SOX13: variants seen among roughly 807,000 people sequenced by gnomAD.
The protein encoded by SOX13 is SRY-box transcription factor 13.
In SOX13, 28 loss-of-function variants were observed where a neutral mutation model predicts 71.8. That is an observed-to-expected ratio of 0.39 (90% CI 0.29 to 0.53). The LOEUF is 0.53. Among genes scored for constraint, SOX13 ranks in the 20% least tolerant of loss-of-function variants. The pLI is 0.70. For synonymous variants in SOX13, 309 were observed against 317.8 expected (o/e 0.97, Z 0.29); for missense variants, 627 against 810.3 (o/e 0.77, Z 2.75).
intron 5 of SOX13, 93 bp from the exon 6 acceptor site, chr1:204,117,029 C>T (rs1341449473): frequency 7.9e-7 from 1 of 1,271,384 alleles, no homozygotes; most frequent in Non-Finnish European, 1.1e-6. Flanking sequence ...TGGCTTGCCC[C>T]ACTGTAGAAA....
intron 1 of SOX13, among the ~76,000 whole-genome samples, chr1:204,082,257 T>C (rs563992086): frequency 3.9e-5 from 6 of 151,988 alleles, no homozygotes; most frequent in African/African-American, 1.2e-4. Context: ...TGTGTGTGTG[T>C]GCACATATGT....
rs1656863244 is a variant in SOX13, at chr1:204,123,858, G to C, written c.1375+54G>C. ...CAGTGTGACCTGGTTGCAGGAGCCA[G>C]CTGGGTCTATTCAGGGCTTGCTTGG... On this transcript the variant is annotated intron_variant, in intron 12 of 13. Coordinates refer to ENST00000367204, the MANE Select transcript of SOX13 (RefSeq NM_005686.3). This position sits in a 1 kb window ranked among gnomAD's most constrained non-coding sequence, Gnocchi z 5.0. 1 of 1,598,556 alleles carries C rather than the reference G, an allele frequency of 6.3e-7. No individual in the cohort carries two copies. Among genetic ancestry groups the C allele is most frequent in the Admixed American group, 1.7e-5 (1 of 59,740 alleles).
chr1:204,119,364 T>C (rs1656756851), intron 7 of SOX13: 1 of 152,170 alleles, frequency 6.6e-6, no homozygotes, highest in South Asian at 2.1e-4. Context: ...ATATTTGGTG[T>C]CTGGTGAGGG....
chr1:204,115,475 GT>G (rs1230069563), intron 4 of SOX13, among the ~76,000 whole-genome samples: 13,261 of 58,886 alleles, frequency 0.23, 1,608 homozygotes, highest in Admixed American at 0.29. Context: ...TTCCGATGTT[GT>G]TTTTTTTTTT....
Position 204,073,451 on chromosome 1 carries a change from G to T in SOX13, c.-262G>T, listed in dbSNP as rs1438271273. 1 of 152,022 alleles carries T rather than the reference G, an allele frequency of 6.6e-6. No individual in the cohort carries two copies. The highest frequency in any genetic ancestry group is 6.5e-5 in the Admixed American group (1 of 15,272). The allele number at this position is 152,022 out of a possible 1,614,324, so 9.4% of individuals were successfully genotyped here. On this transcript the variant is annotated 5_prime_UTR_variant, in exon 1 of 14. Transcript: ENST00000367204. This position sits in a 1 kb window ranked among gnomAD's most constrained non-coding sequence, Gnocchi z 6.8. The stretch of plus-strand genomic sequence containing the variant: ...TGGCTCGGCGGAGAGGGCGCCGCCC[G>T]GCCGGAACCAAGCTCGCCGCCCGGG...
At chr1:204,102,769 A>C (rs976616007) in intron 1 of SOX13, among the ~76,000 whole-genome samples, 99 of 152,078 alleles carry the variant, frequency 6.5e-4, no homozygotes, top group African/African-American at 2.1e-3. Context: ...AGTCTTCTCT[A>C]TCTCTATGGG....
chr1:204,075,300 C>T (rs1655763871), intron 1 of SOX13, among the ~76,000 whole-genome samples: 1 of 152,072 alleles, frequency 6.6e-6, no homozygotes, highest in African/African-American at 2.4e-5. Context: ...CGGCGCCAGC[C>T]CGCTACCTCC....
chr1:204,083,860 C>G (rs12727635), intron 1 of SOX13, among the ~76,000 whole-genome samples: 13,055 of 152,112 alleles, frequency 0.086, 750 homozygotes, highest in Non-Finnish European at 0.12. Flanking sequence ...TACTGACAAA[C>G]TGAGGGGAGG....
intron 1 of SOX13, among the ~76,000 whole-genome samples, chr1:204,105,751 C>T (rs569217070): frequency 6.6e-6 from 1 of 152,246 alleles, no homozygotes; most frequent in South Asian, 2.1e-4. Flanking sequence ...AACTCAACAT[C>T]TCCTGACCTC....
intron 1 of SOX13, among the ~76,000 whole-genome samples, chr1:204,084,594 G>A (rs953237055): frequency 2.0e-5 from 3 of 152,122 alleles, no homozygotes; most frequent in Non-Finnish European, 2.9e-5. Flanking sequence ...AGGCTCAGCC[G>A]GGAGGGAGGC....
At chr1:204,074,595 C>G (rs1655746720) in intron 1 of SOX13, among the ~76,000 whole-genome samples, 1 of 152,204 alleles carries the variant, frequency 6.6e-6, no homozygotes, top group Non-Finnish European at 1.5e-5. Flanking sequence ...AGGGATCGCC[C>G]GCGGGATTCG....
At chr1:204,097,255 G>A (rs1656270452) in intron 1 of SOX13, among the ~76,000 whole-genome samples, 1 of 152,188 alleles carries the variant, frequency 6.6e-6, no homozygotes, top group African/African-American at 2.4e-5. Context: ...GGGGCATGGG[G>A]ATAAAGGAAA....
chr1:204,114,517 A>T lies in SOX13; in HGVS notation c.332-2A>T, dbSNP rs1307191983. 6.2e-7 allele frequency: 1 copy of T among 1,613,432 alleles called. No individual in the cohort carries two copies. Among genetic ancestry groups the T allele is most frequent in the South Asian group, 1.1e-5 (1 of 91,064 alleles). ...ATTCCTCACCCCTTTGCTGTCTTCCAGTGGTGCCAGCCATAGAGAAGCTGT... is the reference window on the plus strand; with the variant it reads ...ATTCCTCACCCCTTTGCTGTCTTCCTGTGGTGCCAGCCATAGAGAAGCTGT... On this transcript the variant is annotated splice_acceptor_variant, in intron 3 of 13. Transcript: ENST00000367204. LOFTEE classifies it high-confidence loss of function.
rs977127165 is a variant in SOX13, at chr1:204,081,343, T to C, written c.-2+7632T>C. Among the ~76,000 whole-genome samples the C allele has an allele frequency of 1.3e-5, 2 of 152,248 alleles. No homozygotes were observed. The highest frequency in any genetic ancestry group is 4.8e-5 in the African/African-American group (2 of 41,468). ...AAAAGGATTTAAAATAAATCTAATA[T>C]TTCCAGATAGTGAAACAGAAATGTC... On this transcript the variant is annotated intron_variant, in intron 1 of 13. Coordinates refer to ENST00000367204, the MANE Select transcript of SOX13 (RefSeq NM_005686.3). This position sits in a 1 kb window ranked among gnomAD's most constrained non-coding sequence, Gnocchi z 4.3.
At chr1:204,076,346 G>C (rs1655785256) in intron 1 of SOX13, among the ~76,000 whole-genome samples, 2 of 152,202 alleles carry the variant, frequency 1.3e-5, no homozygotes, top group African/African-American at 4.8e-5. Context: ...CAGGGGAAGA[G>C]TCAGGTGGAA....
chr1:204,114,630 A>G (rs753039391), intron 4 of SOX13, 25 bp downstream of exon 4: 10 of 1,554,030 alleles, frequency 6.4e-6, no homozygotes, highest in Non-Finnish European at 8.9e-6. Context: ...GGGGTGGGGG[A>G]GATGTTTGAA....
At chr1:204,097,520 T>A in intron 1 of SOX13, among the ~76,000 whole-genome samples, 1 of 151,734 alleles carries the variant, frequency 6.6e-6, no homozygotes, top group African/African-American at 2.4e-5. Context: ...GGAGAAACCC[T>A]GTCTCTACTA....
At chr1:204,103,642 C>T (rs927803302) in intron 1 of SOX13, among the ~76,000 whole-genome samples, 4 of 152,354 alleles carry the variant, frequency 2.6e-5, no homozygotes, top group Non-Finnish European at 4.4e-5. Context: ...CAGTCAGCCT[C>T]AGCTGCACAA....
chr1:204,075,608 A>G (rs905021569), intron 1 of SOX13, among the ~76,000 whole-genome samples: 10 of 152,168 alleles, frequency 6.6e-5, no homozygotes, highest in Non-Finnish European at 1.5e-4. Context: ...CCAGGAGGGT[A>G]GGGACCCACC....
Sources: gnomAD v4.1 joint callset for allele counts (sites outside exome capture counted in the v4.1 genomes callset) on GRCh38, gnomAD v4.1.1 for gene constraint, Gnocchi (gnomAD v3.1) non-coding constraint, MANE v1.5 for transcripts, NCBI Gene and HGNC (gene_info 2026-07-23, HGNC 2026-07-21) for gene names.